LRRIQ1: variants seen among roughly 807,000 people sequenced by gnomAD.
The protein encoded by LRRIQ1 is leucine rich repeats and IQ motif containing 1, also known as leucine-rich repeat- and IQ domain-containing protein 1.
A neutral mutation model predicts 211.9 loss-of-function variants in LRRIQ1; 210 were observed. The observed-to-expected ratio is 0.99, with a 90% CI of 0.89 to 1.11. LRRIQ1 has a LOEUF of 1.11. Among genes scored for constraint, LRRIQ1 ranks in the 50% most tolerant of loss-of-function variants. LRRIQ1 has a pLI of 0.00. For synonymous variants in LRRIQ1, 699 were observed against 650.1 expected (o/e 1.08, Z -1.14); for missense variants, 2,136 against 1,939.5 (o/e 1.10, Z -1.90).
chr12:85,059,953 G>A (rs1041749283), intron 8 of LRRIQ1, among the ~76,000 whole-genome samples: 4 of 151,938 alleles, frequency 2.6e-5, no homozygotes, highest in African/African-American at 9.7e-5. Flanking sequence ...GGAAATGAAT[G>A]TAAAATTACT....
chr12:85,215,053 T>A (rs186648084), intron 24 of LRRIQ1, among the ~76,000 whole-genome samples: 4 of 152,172 alleles, frequency 2.6e-5, no homozygotes, highest in African/African-American at 9.6e-5. Flanking sequence ...GAAATCCAAA[T>A]AACTCATGAA....
At chr12:85,184,658 C>T (rs1892145844) in intron 24 of LRRIQ1, among the ~76,000 whole-genome samples, 2 of 151,940 alleles carry the variant, frequency 1.3e-5, no homozygotes, top group Non-Finnish European at 2.9e-5. Flanking sequence ...AAGACCCTTA[C>T]AAGTGCATTT....
chr12:85,037,675 T>C (rs1878318060), intron 1 of LRRIQ1, among the ~76,000 whole-genome samples: 1 of 151,888 alleles, frequency 6.6e-6, no homozygotes, highest in Non-Finnish European at 1.5e-5. Context: ...GGTGGAAAGG[T>C]CAGGCCCTTG....
intron 25 of LRRIQ1, among the ~76,000 whole-genome samples, chr12:85,231,010 T>C (rs1386575410): frequency 6.6e-6 from 1 of 151,430 alleles, no homozygotes; most frequent in Admixed American, 6.6e-5. Context: ...ATCGTGCCAC[T>C]GCACTCCAGC....
intron 15 of LRRIQ1, among the ~76,000 whole-genome samples, chr12:85,115,013 TA>T (rs953495167): frequency 6.6e-6 from 1 of 152,180 alleles, no homozygotes; most frequent in Non-Finnish European, 1.5e-5. Context: ...GCTGATGTAC[TA>T]AAAAAATCTC....
chr12:85,123,777 G>A (rs1163259918), intron 16 of LRRIQ1, among the ~76,000 whole-genome samples: 1 of 152,050 alleles, frequency 6.6e-6, no homozygotes, highest in Non-Finnish European at 1.5e-5. Flanking sequence ...GGTAATAAAA[G>A]CATGAATTTT....
In LRRIQ1 at chr12:85,055,779, G is replaced by A. The variant is rs200640188; in HGVS notation, c.986G>A (p.Arg329Gln). ...TGGAAGGAAAAGGAAGCAAAAATACGACAAAAGGAGGAAGAAAATCGAAAA... is the reference window on the plus strand; with the variant it reads ...TGGAAGGAAAAGGAAGCAAAAATACAACAAAAGGAGGAAGAAAATCGAAAA... ...QEWKEKEAKI[R>Q]QKEEENRKRL... The change falls in exon 8 of 27, where the codon CGA (arginine) becomes CAA (glutamine). Residue 329 changes from arginine to glutamine, a missense_variant. Arg to Gln is a conservative substitution (Grantham distance 43). Transcript: ENST00000393217. 36 of 1,603,010 alleles carry A rather than the reference G, an allele frequency of 2.2e-5. No homozygotes were observed. In the East Asian group the frequency reaches 6.5e-4, roughly 29 times the overall value.
chr12:85,209,823 A>G (rs1215652213), intron 24 of LRRIQ1, among the ~76,000 whole-genome samples: 1 of 152,058 alleles, frequency 6.6e-6, no homozygotes, highest in Non-Finnish European at 1.5e-5. Context: ...AAATACAATT[A>G]CCCTCATTTT....
intron 3 of LRRIQ1, among the ~76,000 whole-genome samples, chr12:85,043,856 A>G (rs1338483782): frequency 1.3e-5 from 2 of 152,102 alleles, no homozygotes; most frequent in African/African-American, 4.8e-5. Context: ...CCCAACTCCA[A>G]GCTCCTTCTA....
chr12:85,168,731 AG>A (rs1891271440), intron 24 of LRRIQ1, among the ~76,000 whole-genome samples: 1 of 152,166 alleles, frequency 6.6e-6, no homozygotes, highest in South Asian at 2.1e-4. Flanking sequence ...ACTTTGCCCC[AG>A]GCCTGCAAAG....
chr12:85,144,618 G>A (rs1889766133), intron 19 of LRRIQ1, among the ~76,000 whole-genome samples: 1 of 151,378 alleles, frequency 6.6e-6, no homozygotes, highest in African/African-American at 2.4e-5. Flanking sequence ...GGAAGAGAAA[G>A]TTTACAATAG....
intron 15 of LRRIQ1, among the ~76,000 whole-genome samples, chr12:85,116,078 A>G (rs1887550156): frequency 6.6e-6 from 1 of 152,222 alleles, no homozygotes; most frequent in Admixed American, 6.5e-5. Flanking sequence ...AAATTATCGT[A>G]GTATAACTGC....
In LRRIQ1 at chr12:85,056,014, C is replaced by T. The variant is rs373162982; in HGVS notation, c.1221C>T (p.Asn407=). The T allele has an allele frequency of 1.2e-5, 20 of 1,605,802 alleles. No individual in the cohort carries two copies. The highest frequency in any genetic ancestry group is 2.7e-5 in the African/African-American group (2 of 74,324). ...SSALKKSGYN[N]KHLSLEDISN... is the part of the protein sequence containing the mutation. The stretch of plus-strand genomic sequence containing the variant: ...CATTAAAGAAGAGCGGATATAATAA[C>T]AAACATTTAAGTCTTGAAGATATTT... The change falls in exon 8 of 27, where the codon AAC becomes AAT. Residue 407 remains asparagine, a synonymous_variant. Transcript: ENST00000393217.
chr12:85,183,383 C>T (rs984706626), intron 24 of LRRIQ1, among the ~76,000 whole-genome samples: 1 of 151,614 alleles, frequency 6.6e-6, no homozygotes, highest in Non-Finnish European at 1.5e-5. Flanking sequence ...GCCTTGTAGA[C>T]TGAAAAAAAA....
chr12:85,268,207 C>A (rs1007091288), downstream of LRRIQ1, among the ~76,000 whole-genome samples: 12 of 151,886 alleles, frequency 7.9e-5, no homozygotes, highest in Admixed American at 3.3e-4. Flanking sequence ...CTAGATTTGT[C>A]TTGAAATGGA....
chr12:85,214,931 A>G (rs1017536843), intron 24 of LRRIQ1, among the ~76,000 whole-genome samples: 1 of 152,128 alleles, frequency 6.6e-6, no homozygotes, highest in Non-Finnish European at 1.5e-5. Flanking sequence ...GGTATTTGCT[A>G]CACAAACCAA....
intron 24 of LRRIQ1, among the ~76,000 whole-genome samples, chr12:85,195,367 C>T (rs1892843536): frequency 6.6e-6 from 1 of 151,156 alleles, no homozygotes; most frequent in South Asian, 2.1e-4. Flanking sequence ...AGACACACAA[C>T]AAAAAAAAGA....
downstream of LRRIQ1, among the ~76,000 whole-genome samples, chr12:85,246,144 C>T (rs1271602193): frequency 6.6e-6 from 1 of 150,680 alleles, no homozygotes; most frequent in Non-Finnish European, 1.5e-5. Flanking sequence ...AAATATTTTC[C>T]AAGTTTCAAA....
At chr12:85,231,242 T>C (rs1353370789) in intron 25 of LRRIQ1, among the ~76,000 whole-genome samples, 1 of 152,176 alleles carries the variant, frequency 6.6e-6, no homozygotes, top group Admixed American at 6.5e-5. Context: ...TATATAAACC[T>C]AACTTTAATA....
Sources: allele counts gnomAD v4.1 joint callset (sites outside exome capture counted in the v4.1 genomes callset), GRCh38; gene constraint gnomAD v4.1.1; transcripts MANE v1.5; gene names NCBI Gene and HGNC (gene_info 2026-07-23, HGNC 2026-07-21).